FNDC3A: variants seen among roughly 807,000 people sequenced by gnomAD.
The protein encoded by FNDC3A is fibronectin type-III domain-containing protein 3A.
Under a neutral mutation model 148.9 loss-of-function variants are expected in FNDC3A, and 32 were observed. The observed-to-expected ratio is 0.21, with a 90% CI of 0.16 to 0.29. FNDC3A has a LOEUF of 0.29. Among genes scored for constraint, FNDC3A ranks in the 10% least tolerant of loss-of-function variants. FNDC3A has a pLI of 1.00. For synonymous variants in FNDC3A, 472 were observed against 473.6 expected, an observed-to-expected ratio of 1.00 and a Z score of 0.04; for missense variants, 1,191 against 1,452.8, an observed-to-expected ratio of 0.82 and a Z score of 2.93.
chr13:49,113,844 A>C (rs1880744359), intron 3 of FNDC3A, among the ~76,000 whole-genome samples: 1 of 152,222 alleles, frequency 6.6e-6, no homozygotes, highest in African/African-American at 2.4e-5. Context: ...TAGTTCCTAG[A>C]AAGAACAAAA....
At chr13:49,196,788 A>G (rs1337980279) in intron 19 of FNDC3A, 89 bp from the exon 20 acceptor site, 1 of 593,878 alleles carries the variant, frequency 1.7e-6, no homozygotes, top group African/African-American at 1.9e-5. Context: ...AAAAGACTTT[A>G]TTAATGAATC....
At chr13:49,112,011 A>G (rs1880611157) in intron 3 of FNDC3A, among the ~76,000 whole-genome samples, 1 of 152,194 alleles carries the variant, frequency 6.6e-6, no homozygotes, top group East Asian at 1.9e-4. Flanking sequence ...GTAACTACAT[A>G]TATATTCGTA....
intron 2 of FNDC3A, among the ~76,000 whole-genome samples, chr13:49,062,395 T>C (rs1876960415): frequency 6.6e-6 from 1 of 152,248 alleles, no homozygotes. Flanking sequence ...AGGTTAACAG[T>C]TGAACTCTTT....
intron 5 of FNDC3A, among the ~76,000 whole-genome samples, chr13:49,132,218 A>T (rs1882078699): frequency 1.3e-5 from 2 of 152,180 alleles, no homozygotes; most frequent in Admixed American, 1.3e-4. Flanking sequence ...TGCCAGGACA[A>T]CTGCAACAAT....
chr13:49,200,819 T>C (rs1017071296), intron 23 of FNDC3A, among the ~76,000 whole-genome samples: 3 of 152,078 alleles, frequency 2.0e-5, no homozygotes, highest in African/African-American at 7.2e-5. Context: ...TTGATTACTT[T>C]CATTCCCTTT....
Position 49,174,706 on chromosome 13 carries a change from A to G in FNDC3A, c.1355+147A>G, listed in dbSNP as rs547869074. ...TATAGTTAAGATGTGTTACCAGTCT[A>G]GCAAAAGCTATAAGAGAGTTAGTTA... On this transcript the variant is annotated intron_variant, in intron 12 of 25. Transcript: ENST00000492622. 3.8e-4 allele frequency: 250 copies of G among 661,918 alleles called. No homozygotes were observed. The African/African-American group carries it at 4.1e-3, about 11-fold the overall frequency. The allele number at this position is 661,918 out of a possible 1,614,324, so 41.0% of individuals were successfully genotyped here.
At chr13:49,141,784 A>G (rs1162827610) in intron 7 of FNDC3A, among the ~76,000 whole-genome samples, 1 of 152,126 alleles carries the variant, frequency 6.6e-6, no homozygotes, top group Non-Finnish European at 1.5e-5. Context: ...TAATCTAGCC[A>G]CTTTCTAAAG....
chr13:49,021,187 T>G (rs1205028239), intron 2 of FNDC3A, among the ~76,000 whole-genome samples: 3 of 152,230 alleles, frequency 2.0e-5, no homozygotes, highest in African/African-American at 7.2e-5. Context: ...ACACCTTAAC[T>G]TGAACACACT....
intron 2 of FNDC3A, among the ~76,000 whole-genome samples, chr13:49,030,634 T>C (rs1296045498): frequency 6.6e-6 from 1 of 152,294 alleles, no homozygotes; most frequent in Admixed American, 6.5e-5. Flanking sequence ...ACTGAAAAAC[T>C]ATTGGAACTA....
intron 1 of FNDC3A, among the ~76,000 whole-genome samples, chr13:48,977,664 T>A (rs1464791269): frequency 6.6e-6 from 1 of 152,230 alleles, no homozygotes; most frequent in Non-Finnish European, 1.5e-5. Flanking sequence ...ACATCTTTTA[T>A]GAAATATAAC....
chr13:49,185,929 GTGTAT>G (rs781585879), intron 14 of FNDC3A, 30 bp from the exon 15 acceptor site: 1 of 1,542,362 alleles, frequency 6.5e-7, no homozygotes, highest in Non-Finnish European at 8.9e-7. Flanking sequence ...TAGGTATCAA[GTGTAT>G]TATTTAATGT....
rs1207503223 is a variant in FNDC3A, at chr13:49,207,436, G to C, written c.*41G>C. On this transcript the variant is annotated 3_prime_UTR_variant, in exon 26 of 26. Transcript: ENST00000492622. ...TTTTAACTCTATTACATTTTATTTTGTCATGTACTAAAATTATTTCTGTAT... is the reference window on the plus strand; with the variant it reads ...TTTTAACTCTATTACATTTTATTTTCTCATGTACTAAAATTATTTCTGTAT... 8.1e-7 allele frequency: 1 copy of C among 1,235,086 alleles called. No individual in the cohort carries two copies. Among genetic ancestry groups the C allele is most frequent in the Non-Finnish European group, 1.1e-6 (1 of 882,988 alleles). The allele number at this position is 1,235,086 out of a possible 1,614,324, so 76.5% of individuals were successfully genotyped here. A position where few individuals can be genotyped will look rare whatever the true frequency, so the allele number is the denominator to read the frequency against.
rs752192574 is a variant in FNDC3A, at chr13:49,198,231, A to G, written c.2740A>G (p.Ile914Val). The G allele has an allele frequency of 7.4e-6, 12 of 1,614,054 alleles. No individual in the cohort carries two copies. The highest frequency in any genetic ancestry group is 9.3e-6 in the Non-Finnish European group (11 of 1,179,934). Reference protein sequence around the residue: ...SLTVGKVTSYIINNLQPDTTY... With the variant: ...SLTVGKVTSYVINNLQPDTTY... ...AACAGTGGGAAAGGTTACAAGCTAT[A>G]TTATCAACAATTTGCAACCAGATAC... The change falls in exon 22 of 26, where the codon ATT becomes GTT. Residue 914 changes from isoleucine to valine, a missense_variant. Physicochemically the swap from Ile to Val is conservative, Grantham distance 29. Transcript: ENST00000492622.
intron 1 of FNDC3A, among the ~76,000 whole-genome samples, chr13:48,981,533 A>G (rs1951695041): frequency 6.6e-6 from 1 of 151,946 alleles, no homozygotes; most frequent in South Asian, 2.1e-4. Context: ...AGTTCTGTAA[A>G]CATAGTATGT....
intron 1 of FNDC3A, chr13:48,987,873 C>CA (rs1170602770): frequency 6.6e-6 from 1 of 152,120 alleles, no homozygotes; most frequent in Non-Finnish European, 1.5e-5. Context: ...GGCACTTAAA[C>CA]AAAAATACAT....
chr13:48,987,377 C>T (rs1566175295), intron 1 of FNDC3A, among the ~76,000 whole-genome samples: 1 of 152,210 alleles, frequency 6.6e-6, no homozygotes, highest in Non-Finnish European at 1.5e-5. Context: ...AGTTTCCTGA[C>T]TGGAAGTATC....
intron 8 of FNDC3A, chr13:49,146,221 T>A (rs1236482776): frequency 7.0e-6 from 2 of 286,416 alleles, no homozygotes; most frequent in Admixed American, 5.3e-5. Context: ...ATGCATTAAA[T>A]ATAAGTTGTA....
At chr13:49,182,255 C>CTAGG (rs1885343357) in intron 14 of FNDC3A, among the ~76,000 whole-genome samples, 1 of 152,018 alleles carries the variant, frequency 6.6e-6, no homozygotes, top group South Asian at 2.1e-4. Context: ...TCCCAAAGTA[C>CTAGG]TAGGATTACA....
intron 25 of FNDC3A, among the ~76,000 whole-genome samples, chr13:49,205,723 A>G (rs959464757): frequency 1.3e-5 from 2 of 152,208 alleles, no homozygotes; most frequent in African/African-American, 2.4e-5. Context: ...CATCCTTAGA[A>G]CTAATGTATA....
Sources: allele counts gnomAD v4.1 joint callset (sites outside exome capture counted in the v4.1 genomes callset), GRCh38; gene constraint gnomAD v4.1.1; transcripts MANE v1.5; gene names NCBI Gene and HGNC (gene_info 2026-07-23, HGNC 2026-07-21).